MTUS2: variants seen among roughly 807,000 people sequenced by gnomAD.
The protein encoded by MTUS2 is microtubule-associated tumor suppressor candidate 2.
MTUS2 carries 40 observed loss-of-function variants against 114.1 expected under a neutral mutation model. That is an observed-to-expected ratio of 0.35 (90% CI 0.27 to 0.46). The LOEUF (loss-of-function observed/expected upper bound fraction) is 0.46. Among genes scored for constraint, MTUS2 ranks in the 20% least tolerant of loss-of-function variants. The pLI is 1.00. For synonymous variants in MTUS2, 688 were observed against 672.0 expected (o/e 1.02, Z -0.37); for missense variants, 1,679 against 1,705.4 (o/e 0.98, Z 0.27).
At position 29,480,487 on chromosome 13, in the gene MTUS2, C is replaced by G. The variant is rs1386885295; in HGVS notation, c.3399+123C>G. The G allele has an allele frequency of 1.8e-6, 2 of 1,090,928 alleles. No individual in the cohort carries two copies. Among genetic ancestry groups the G allele is most frequent in the African/African-American group, 3.2e-5 (2 of 63,004 alleles). 67.6% of individuals were successfully genotyped at this position (1,090,928 alleles called of 1,614,324 possible). On this transcript the variant is annotated intron_variant, in intron 10 of 15. Coordinates refer to ENST00000612955, the MANE Select transcript of MTUS2 (RefSeq NM_001033602.4). The surrounding 1 kb of genome is among the most constrained non-coding windows in gnomAD (Gnocchi z 4.4). Reference sequence around the variant, plus strand: ...GTGAGCTTTCTGAACAGTTCACTTTCTGAGTTGCTTTCTCCTTTCTCCCCG... The same window carrying G: ...GTGAGCTTTCTGAACAGTTCACTTTGTGAGTTGCTTTCTCCTTTCTCCCCG...
chr13:29,175,021 G>A (rs1416937889), intron 5 of MTUS2, among the ~76,000 whole-genome samples: 1 of 152,106 alleles, frequency 6.6e-6, no homozygotes, highest in African/African-American at 2.4e-5. Flanking sequence ...CAAATGAATA[G>A]CTTGAATCTA....
chr13:28,826,676 G>A (rs547498910), intron 1 of MTUS2, among the ~76,000 whole-genome samples: 54 of 152,330 alleles, frequency 3.5e-4, no homozygotes, highest in Non-Finnish European at 6.2e-4. Context: ...ATGCATTAGC[G>A]TCTATGAAGA....
chr13:29,394,814 A>G (rs867355060), intron 8 of MTUS2, among the ~76,000 whole-genome samples: 1 of 152,202 alleles, frequency 6.6e-6, no homozygotes, highest in African/African-American at 2.4e-5. Flanking sequence ...TCATAGGAAC[A>G]CAAACCCTGT....
chr13:29,293,485 G>A (rs1463185023), intron 6 of MTUS2, among the ~76,000 whole-genome samples: 1 of 152,078 alleles, frequency 6.6e-6, no homozygotes, highest in African/African-American at 2.4e-5. Context: ...CACTCTTGTA[G>A]TGTTAGTGAG....
rs1308054536 is a variant in MTUS2, at chr13:29,505,093, C to T, written c.*1887C>T. The T allele has an allele frequency of 4.3e-6, 1 of 232,038 alleles. No individual in the cohort carries two copies. Among genetic ancestry groups the T allele is most frequent in the East Asian group, 6.1e-5 (1 of 16,450 alleles). The allele number at this position is 232,038 out of a possible 1,614,324, so 14.4% of individuals were successfully genotyped here. A position where few individuals can be genotyped will look rare whatever the true frequency, so the allele number is the denominator to read the frequency against. ...CCACCATTTCTCTTTGCTTTAGTGGCTCTGCATGATACTGTGATATTGAGT... is the reference window on the plus strand; with the variant it reads ...CCACCATTTCTCTTTGCTTTAGTGGTTCTGCATGATACTGTGATATTGAGT... On this transcript the variant is annotated 3_prime_UTR_variant, in exon 16 of 16. Coordinates refer to ENST00000612955, the MANE Select transcript of MTUS2 (RefSeq NM_001033602.4).
chr13:29,026,808 C>T lies in MTUS2; in HGVS notation c.2110C>T (p.Gln704Ter). ...NLYEKFKPDL[Q>*]KPRVFSSGLM... ...CTATGAGAAATTCAAGCCAGACCTG[C>T]AGAAGCCAAGGGTCTTCAGTTCCGG... The change falls in exon 3 of 16, where the codon CAG (glutamine) becomes TAG (stop). Residue 704 changes from glutamine (Q) to a stop codon, truncating the protein, a stop_gained. Coordinates refer to ENST00000612955, the MANE Select transcript of MTUS2 (RefSeq NM_001033602.4). LOFTEE classifies it high-confidence loss of function. 1 of 1,612,730 alleles carries T rather than the reference C, an allele frequency of 6.2e-7. No individual in the cohort carries two copies. Among genetic ancestry groups the T allele is most frequent in the Non-Finnish European group, 8.5e-7 (1 of 1,179,888 alleles).
chr13:28,834,433 AGAAT>A (rs1377735023), intron 1 of MTUS2, among the ~76,000 whole-genome samples: 2 of 152,188 alleles, frequency 1.3e-5, no homozygotes, highest in South Asian at 2.1e-4. Context: ...AATTCAAGAA[AGAAT>A]GAATGATCTT....
chr13:29,144,040 G>C (rs1892331689), intron 5 of MTUS2, among the ~76,000 whole-genome samples: 2 of 152,182 alleles, frequency 1.3e-5, no homozygotes, highest in Admixed American at 6.5e-5. Context: ...CTGTGTGTCA[G>C]ACAGTTGTGC....
chr13:29,042,248 G>A (rs754708099), intron 4 of MTUS2, among the ~76,000 whole-genome samples: 3 of 152,030 alleles, frequency 2.0e-5, no homozygotes, highest in Non-Finnish European at 4.4e-5. Context: ...TTTTAATTCT[G>A]TTTATGTCAT....
chr13:28,966,090 A>T (rs1883569508), intron 2 of MTUS2, among the ~76,000 whole-genome samples: 1 of 152,320 alleles, frequency 6.6e-6, no homozygotes, highest in East Asian at 1.9e-4. Context: ...TTTCCCTACC[A>T]TTGTTAACCA....
At chr13:28,886,874 T>C (rs917456692) in intron 2 of MTUS2, among the ~76,000 whole-genome samples, 8 of 152,152 alleles carry the variant, frequency 5.3e-5, no homozygotes, top group African/African-American at 1.9e-4. Flanking sequence ...CACAGCAGTT[T>C]AGGATTAGGT....
intron 5 of MTUS2, among the ~76,000 whole-genome samples, chr13:29,143,514 C>G (rs989501664): frequency 1.6e-4 from 24 of 152,076 alleles, no homozygotes; most frequent in African/African-American, 5.8e-4. Flanking sequence ...GTGTAAAGTA[C>G]TTTGATCATC....
chr13:29,372,598 C>T (rs1358862554), intron 8 of MTUS2, among the ~76,000 whole-genome samples: 2 of 152,206 alleles, frequency 1.3e-5, no homozygotes, highest in African/African-American at 4.8e-5. Flanking sequence ...TCAGGTGTTA[C>T]AGCAGGTGGT....
chr13:29,085,853 C>T (rs144308483), intron 4 of MTUS2, among the ~76,000 whole-genome samples: 287 of 152,248 alleles, frequency 1.9e-3, no homozygotes, highest in African/African-American at 3.8e-3. Flanking sequence ...TTTGAGAATT[C>T]GCTAAACTGC....
chr13:28,951,818 A>T (rs975194406), intron 2 of MTUS2, among the ~76,000 whole-genome samples: 19 of 152,074 alleles, frequency 1.2e-4, no homozygotes, highest in Non-Finnish European at 1.0e-4. Context: ...AAAAAAATTT[A>T]AAGTCTTGCA....
chr13:29,384,128 C>T (rs924156231), intron 8 of MTUS2, among the ~76,000 whole-genome samples: 1 of 152,178 alleles, frequency 6.6e-6, no homozygotes, highest in African/African-American at 2.4e-5. Context: ...ATAAAATACT[C>T]TATTTCTGTG....
intron 6 of MTUS2, among the ~76,000 whole-genome samples, chr13:29,304,535 AG>A (rs1299555334): frequency 6.6e-6 from 1 of 152,182 alleles, no homozygotes; most frequent in African/African-American, 2.4e-5. Context: ...AGATAAAAAA[AG>A]ATGAAGGGCA....
At chr13:28,954,514 G>T (rs1434036677) in intron 2 of MTUS2, among the ~76,000 whole-genome samples, 1 of 152,210 alleles carries the variant, frequency 6.6e-6, no homozygotes, top group African/African-American at 2.4e-5. Context: ...AGGAGGGAGG[G>T]TGTGTTCCTT....
At position 29,287,631 on chromosome 13, in the gene MTUS2, C is replaced by G. The variant is rs559295983; in HGVS notation, c.2806+5766C>G. ...CCTTCTTATGATGAGCTATCCCTTT[C>G]TTTGTTGAAAACTCAAACATTCTTT... is the stretch of plus-strand genomic sequence containing the variant. On this transcript the variant is annotated intron_variant, in intron 6 of 15. Coordinates refer to ENST00000612955, the MANE Select transcript of MTUS2 (RefSeq NM_001033602.4). Among the ~76,000 whole-genome samples, 128 of 152,186 alleles carry G rather than the reference C, an allele frequency of 8.4e-4. 1 individual carries two copies. Among genetic ancestry groups the G allele is most frequent in the Non-Finnish European group, 1.3e-3 (87 of 68,026 alleles).
Sources: gnomAD v4.1 joint callset for allele counts (sites outside exome capture counted in the v4.1 genomes callset) on GRCh38, gnomAD v4.1.1 for gene constraint, Gnocchi (gnomAD v3.1) non-coding constraint, MANE v1.5 for transcripts, NCBI Gene and HGNC (gene_info 2026-07-23, HGNC 2026-07-21) for gene names.